Variants in DDX10 observed in about 807,000 individuals in gnomAD.
The protein encoded by DDX10 is probable ATP-dependent RNA helicase DDX10.
A neutral mutation model predicts 104.3 loss-of-function variants in DDX10; 74 were observed. The ratio of observed to expected loss-of-function variants is 0.71; its 90% CI spans 0.59 to 0.86. The LOEUF is 0.86. Ranked by LOEUF, DDX10 falls within the 40% of genes least tolerant of loss-of-function variation. The pLI is 0.00. For synonymous variants in DDX10, 351 were observed against 353.4 expected (o/e 0.99, Z 0.08); for missense variants, 952 against 1,040.0 (o/e 0.92, Z 1.16).
chr11:108,897,322 C>T (rs891767148), intron 16 of DDX10, among the ~76,000 whole-genome samples: 2 of 152,056 alleles, frequency 1.3e-5, no homozygotes, highest in Non-Finnish European at 2.9e-5. Context: ...AAAGGCCTGA[C>T]AACTGTGTGC....
chr11:108,940,334 A>C lies in DDX10; in HGVS notation c.2539A>C (p.Arg847=). ...GPTSHNRKKA[R]WDTLEPLDTG... is the part of the protein sequence containing the mutation. ...AACAAGTCATAACAGAAAGAAGGCCAGGTGGGACACTTTAGAGCCTTTGGA... is the reference window on the plus strand; with the variant it reads ...AACAAGTCATAACAGAAAGAAGGCCCGGTGGGACACTTTAGAGCCTTTGGA... Residue 847 remains arginine, a synonymous_variant, in exon 18 of 18, where the codon AGG becomes CGG. Coordinates refer to ENST00000322536, the MANE Select transcript of DDX10 (RefSeq NM_004398.4). The C allele has an allele frequency of 6.2e-7, 1 of 1,614,102 alleles. No individual in the cohort carries two copies. Among genetic ancestry groups the C allele is most frequent in the Non-Finnish European group, 8.5e-7 (1 of 1,180,020 alleles).
intron 17 of DDX10, among the ~76,000 whole-genome samples, chr11:108,923,072 C>T (rs947280677): frequency 6.6e-6 from 1 of 152,180 alleles, no homozygotes; most frequent in Non-Finnish European, 1.5e-5. Flanking sequence ...GCTTTCACCT[C>T]TCATTCTTCC....
chr11:108,670,662 T>A (rs2094215778), intron 1 of DDX10, among the ~76,000 whole-genome samples: 1 of 152,152 alleles, frequency 6.6e-6, no homozygotes, highest in Non-Finnish European at 1.5e-5. Context: ...AAACTGGGGA[T>A]TGAGGCTCAC....
intron 2 of DDX10, among the ~76,000 whole-genome samples, chr11:108,675,088 TTGTGTGTGTG>T (rs142204234): frequency 1.3e-4 from 19 of 146,880 alleles, no homozygotes; most frequent in East Asian, 7.9e-4. Flanking sequence ...CATATTCCAT[TTGTGTGTGTG>T]TGTGTGTGTG....
At chr11:108,782,729 G>A (rs989456791) in intron 13 of DDX10, among the ~76,000 whole-genome samples, 1 of 152,002 alleles carries the variant, frequency 6.6e-6, no homozygotes, top group Non-Finnish European at 1.5e-5. Flanking sequence ...CCAGTAGTAA[G>A]CTTCAATCAA....
chr11:108,694,663 G>A (rs548207301), intron 9 of DDX10, among the ~76,000 whole-genome samples: 101 of 152,200 alleles, frequency 6.6e-4, no homozygotes, highest in Non-Finnish European at 2.1e-4. Flanking sequence ...GGCGGATCAC[G>A]AGGTCAGGAG....
At chr11:108,810,676 G>T (rs1483020017) in intron 13 of DDX10, among the ~76,000 whole-genome samples, 1 of 152,130 alleles carries the variant, frequency 6.6e-6, no homozygotes, top group Non-Finnish European at 1.5e-5. Context: ...GTTTGCTTCG[G>T]ATTAGTCCCC....
At chr11:108,750,719 T>G (rs1321921075) in intron 13 of DDX10, among the ~76,000 whole-genome samples, 1 of 151,344 alleles carries the variant, frequency 6.6e-6, no homozygotes, top group Non-Finnish European at 1.5e-5. Flanking sequence ...TTCTTATATA[T>G]ATGAATTTCA....
At chr11:108,767,024 C>T (rs1451865540) in intron 13 of DDX10, among the ~76,000 whole-genome samples, 1 of 152,168 alleles carries the variant, frequency 6.6e-6, no homozygotes, top group Non-Finnish European at 1.5e-5. Context: ...AGGGACTCTT[C>T]CACTTTTGGG....
chr11:108,884,887 T>C (rs1591110119), intron 16 of DDX10, among the ~76,000 whole-genome samples: 3 of 152,252 alleles, frequency 2.0e-5, no homozygotes, highest in South Asian at 4.1e-4. Context: ...TCTCAACTTC[T>C]ACACACGAAT....
rs549123080 is a variant in DDX10 at position 108,803,977 on chromosome 11, T to C, written c.1966-34469T>C. The stretch of plus-strand genomic sequence containing the variant: ...CATCCCTTTTAGAGTAAGGCACTGC[T>C]GATTAGGCCTGTTTCCAGGGCAATT... On this transcript the variant is annotated intron_variant, in intron 13 of 17. Coordinates refer to ENST00000322536, the MANE Select transcript of DDX10 (RefSeq NM_004398.4). Among the ~76,000 whole-genome samples, 289 of 152,312 alleles carry C rather than the reference T, an allele frequency of 1.9e-3. 1 individual carries two copies. Among genetic ancestry groups the C allele is most frequent in the Non-Finnish European group, 3.8e-3 (258 of 68,032 alleles).
chr11:108,745,254 A>C (rs181947513), intron 13 of DDX10, among the ~76,000 whole-genome samples: 286 of 107,606 alleles, frequency 2.7e-3, no homozygotes, highest in Middle Eastern at 0.024. Context: ...TTCCTTCTTT[A>C]CCTTCCTTTC....
In DDX10 at chr11:108,722,928, T is replaced by C. The variant is rs1316654491; in HGVS notation, c.1500-69T>C. 1.4e-5 allele frequency: 21 copies of C among 1,489,712 alleles called. No individual in the cohort carries two copies. In the South Asian group the frequency reaches 3.0e-4, roughly 22 times the overall value. 92.3% of individuals were successfully genotyped at this position (1,489,712 alleles called of 1,614,324 possible). A position where few individuals can be genotyped will look rare whatever the true frequency, so the allele number is the denominator to read the frequency against. ...CTAGGAATCTCTGCTCTTGAGAAAC[T>C]CTTCTATGACACCTATAAACATATC... On this transcript the variant is annotated intron_variant, in intron 12 of 17. Coordinates refer to ENST00000322536, the MANE Select transcript of DDX10 (RefSeq NM_004398.4).
chr11:108,849,577 T>A (rs1862764384), intron 15 of DDX10, among the ~76,000 whole-genome samples: 1 of 152,076 alleles, frequency 6.6e-6, no homozygotes. Context: ...GAAATTTGAT[T>A]TTCTGTTTTT....
chr11:108,866,992 A>C (rs1185617259), intron 16 of DDX10, among the ~76,000 whole-genome samples: 1 of 152,196 alleles, frequency 6.6e-6, no homozygotes, highest in African/African-American at 2.4e-5. Context: ...CGGGGAGGGC[A>C]TTTGAGTCAG....
At chr11:108,796,577 C>T (rs1478122916) in intron 13 of DDX10, among the ~76,000 whole-genome samples, 1 of 152,148 alleles carries the variant, frequency 6.6e-6, no homozygotes, top group East Asian at 1.9e-4. Context: ...AATCTAAAAA[C>T]TGTCTTTATA....
intron 7 of DDX10, 78 bp downstream of exon 7, chr11:108,689,140 T>A (rs2094248626): frequency 6.8e-7 from 1 of 1,472,730 alleles, no homozygotes; most frequent in Admixed American, 1.7e-5. Context: ...GACAAATTAT[T>A]ATATTGTACG....
At chr11:108,905,287 TTATAAGGTA>T (rs1863576991) in intron 16 of DDX10, among the ~76,000 whole-genome samples, 1 of 127,952 alleles carries the variant, frequency 7.8e-6, no homozygotes, top group Admixed American at 8.4e-5. Context: ...ATATTATTTA[TTATAAGGTA>T]CTATTAGATT....
intron 13 of DDX10, among the ~76,000 whole-genome samples, chr11:108,778,504 A>G (rs543152126): frequency 4.2e-4 from 64 of 152,360 alleles, no homozygotes; most frequent in African/African-American, 1.3e-3. Flanking sequence ...TAGAAAGCTG[A>G]AACTGGATCC....
Sources: allele counts gnomAD v4.1 joint callset (sites outside exome capture counted in the v4.1 genomes callset), GRCh38; gene constraint gnomAD v4.1.1; transcripts MANE v1.5; gene names NCBI Gene and HGNC (gene_info 2026-07-23, HGNC 2026-07-21).